Variants in GLE1 observed in about 807,000 individuals in gnomAD.
The protein encoded by GLE1 is GLE1 RNA export mediator.
In GLE1, 78 loss-of-function variants were observed where a neutral mutation model predicts 97.3. The observed-to-expected ratio is 0.80, with a 90% CI of 0.67 to 0.97. The LOEUF is 0.97. GLE1 is among the 50% of genes least tolerant of loss of function. The pLI is 0.00. For synonymous variants in GLE1, 302 were observed against 313.4 expected (o/e 0.96, Z 0.39); for missense variants, 753 against 857.5 (o/e 0.88, Z 1.52).
chr9:128,521,449 C>T (rs1847149711), intron 3 of GLE1, among the ~76,000 whole-genome samples: 1 of 152,062 alleles, frequency 6.6e-6, no homozygotes, highest in Non-Finnish European at 1.5e-5. Flanking sequence ...TGGGATGATC[C>T]CTTGAGCTCA....
At chr9:128,522,847 T>C in intron 4 of GLE1, 31 bp downstream of exon 4, 1 of 1,611,800 alleles carries the variant, frequency 6.2e-7, no homozygotes. Context: ...ACTGGGAATG[T>C]TGATGTGTTC....
chr9:128,505,042 C>T (rs1846601405), intron 1 of GLE1, 138 bp downstream of exon 1: 2 of 682,760 alleles, frequency 2.9e-6, no homozygotes, highest in Non-Finnish European at 2.7e-6. Context: ...TCTGTGTGTA[C>T]ATCCCTCTGT....
At chr9:128,509,713 C>T (rs1417224442) in intron 2 of GLE1, among the ~76,000 whole-genome samples, 1 of 151,448 alleles carries the variant, frequency 6.6e-6, no homozygotes, top group African/African-American at 2.4e-5. Flanking sequence ...AATTCCAGTG[C>T]TTTGGAAGGC....
In GLE1 at chr9:128,533,751, A is replaced by G. The variant is rs368321989; in HGVS notation, c.1456-10A>G. On this transcript the variant is annotated splice_polypyrimidine_tract_variant and intron_variant, in intron 10 of 15. Coordinates refer to ENST00000309971, the MANE Select transcript of GLE1 (RefSeq NM_001003722.2). Reference sequence around the variant, plus strand: ...TTAAGTTAAAATTGTACCCACCTCTATGTTCTCAGAAACAAGGCGAGGAGG... The same window carrying G: ...TTAAGTTAAAATTGTACCCACCTCTGTGTTCTCAGAAACAAGGCGAGGAGG... The G allele has an allele frequency of 5.6e-6, 9 of 1,613,830 alleles. No homozygotes were observed. The highest frequency in any genetic ancestry group is 2.7e-5 in the African/African-American group (2 of 74,938).
In GLE1 at chr9:128,527,512, C is replaced by A. The variant is rs756930292; in HGVS notation, c.1299C>A (p.Ile433=). The A allele has an allele frequency of 6.2e-7, 1 of 1,608,694 alleles. No homozygotes were observed. Among genetic ancestry groups the A allele is most frequent in the Non-Finnish European group, 8.5e-7 (1 of 1,175,082 alleles). Residue 433 remains isoleucine, a synonymous_variant, in exon 9 of 16, where the codon ATC becomes ATA. Transcript: ENST00000309971. ...CTGCTACCATCCCAGTGAGCCAAAT[C>A]TCTACCATTGCAGGTTGGTCAGAGG... ...QKAATIPVSQ[I]STIAGSKLKE... is the part of the protein sequence containing the mutation.
chr9:128,518,396 A>G (rs1427266252), intron 3 of GLE1, among the ~76,000 whole-genome samples: 1 of 151,870 alleles, frequency 6.6e-6, no homozygotes. Context: ...CCCTGTCTCT[A>G]CTAAAAATAC....
chr9:128,521,009 A>G (rs1189415087), intron 3 of GLE1, among the ~76,000 whole-genome samples: 1 of 152,046 alleles, frequency 6.6e-6, no homozygotes, highest in African/African-American at 2.4e-5. Flanking sequence ...TGATCCTCCC[A>G]CTTTGGCCTC....
At chr9:128,506,903 A>G (rs375279081) in intron 1 of GLE1, among the ~76,000 whole-genome samples, 1 of 152,146 alleles carries the variant, frequency 6.6e-6, no homozygotes, top group Non-Finnish European at 1.5e-5. Flanking sequence ...GTTATTCTCA[A>G]TATGTTTACT....
At chr9:128,540,523 A>G (rs962183869) in intron 15 of GLE1, 185 bp downstream of exon 15, 18 of 636,748 alleles carry the variant, frequency 2.8e-5, no homozygotes, top group Non-Finnish European at 4.6e-5. Context: ...TCTTCTTTAT[A>G]TGTATCATTC....
chr9:128,504,708 G>A, upstream of GLE1: 3 of 857,196 alleles, frequency 3.5e-6, no homozygotes, highest in African/African-American at 1.6e-5. Context: ...CTGCGCGCGC[G>A]TCCCGGAAGC....
intron 2 of GLE1, among the ~76,000 whole-genome samples, chr9:128,509,916 G>A (rs1846755716): frequency 6.6e-6 from 1 of 152,112 alleles, no homozygotes; most frequent in South Asian, 2.1e-4. Flanking sequence ...CTGTGATCAA[G>A]CCATTACATT....
intron 2 of GLE1, among the ~76,000 whole-genome samples, chr9:128,511,224 G>A (rs1846810333): frequency 6.7e-6 from 1 of 149,690 alleles, no homozygotes; most frequent in Non-Finnish European, 1.5e-5. Flanking sequence ...TATATATAGA[G>A]ACTGAGTAAA....
At chr9:128,526,462 T>C (rs2132469535) in intron 7 of GLE1, among the ~76,000 whole-genome samples, 1 of 152,204 alleles carries the variant, frequency 6.6e-6, no homozygotes, top group African/African-American at 2.4e-5. Context: ...GTTCAAGCGA[T>C]TCTCCTGCCT....
intron 14 of GLE1, among the ~76,000 whole-genome samples, 188 bp from the exon 15 acceptor site, chr9:128,540,087 G>A (rs914488129): frequency 2.6e-5 from 4 of 152,082 alleles, no homozygotes; most frequent in African/African-American, 9.7e-5. Flanking sequence ...ATGATGGCAT[G>A]CATCTATAGT....
In GLE1 at chr9:128,541,311, G is replaced by A; in HGVS notation, c.*141G>A. ...TTATGTATTTATGCCTTGTGACTAG[G>A]AGAGGAGATTTTCATGGGTCACAAA... On this transcript the variant is annotated 3_prime_UTR_variant, in exon 16 of 16. Coordinates refer to ENST00000309971, the MANE Select transcript of GLE1 (RefSeq NM_001003722.2). 1.5e-6 allele frequency: 1 copy of A among 673,758 alleles called. No individual in the cohort carries two copies. The highest frequency in any genetic ancestry group is 2.7e-6 in the Non-Finnish European group (1 of 372,420). 41.7% of individuals were successfully genotyped at this position (673,758 alleles called of 1,614,324 possible).
At chr9:128,525,544 A>T in intron 7 of GLE1, 121 bp downstream of exon 7, 1 of 743,372 alleles carries the variant, frequency 1.3e-6, no homozygotes, top group East Asian at 2.7e-5. Flanking sequence ...TATGTAATGT[A>T]TTTCATTCAG....
intron 2 of GLE1, among the ~76,000 whole-genome samples, chr9:128,510,181 C>T (rs1189985019): frequency 6.6e-6 from 1 of 151,980 alleles, no homozygotes; most frequent in Non-Finnish European, 1.5e-5. Flanking sequence ...TCTCAGCCTC[C>T]CGAATAGCTG....
Position 128,541,312 on chromosome 9 carries a change from AGAG to A in GLE1, c.*146_*148del, listed in dbSNP as rs1425487520. 1.3e-5 allele frequency: 9 copies of A among 671,874 alleles called. No individual in the cohort carries two copies. Among genetic ancestry groups the A allele is most frequent in the South Asian group, 8.1e-5 (5 of 61,640 alleles). The allele number at this position is 671,874 out of a possible 1,614,324, so 41.6% of individuals were successfully genotyped here. A position where few individuals can be genotyped will look rare whatever the true frequency, so the allele number is the denominator to read the frequency against. On this transcript the variant is annotated 3_prime_UTR_variant, in exon 16 of 16. Transcript: ENST00000309971. ...TATGTATTTATGCCTTGTGACTAGG[AGAG>A]GAGATTTTCATGGGTCACAAAATTC...
rs144164277 is a variant in GLE1, at chr9:128,522,810, A to G, written c.575A>G (p.Glu192Gly). The change falls in exon 4 of 16, where the codon GAG (glutamate) becomes GGG (glycine). Residue 192 changes from glutamate to glycine, a missense_variant. Physicochemically the swap from Glu to Gly is moderately conservative, Grantham distance 98 (BLOSUM62 -2). Transcript: ENST00000309971. ...KEFQDLREVMEKSSREALGHQ... is the reference protein window; with the variant it reads ...KEFQDLREVMGKSSREALGHQ... ...TTCCAGGACTTGCGGGAAGTAATGG[A>G]GAAGAGGTGAGTCTCCCTGAATTAT... The G allele has an allele frequency of 1.1e-4, 172 of 1,613,866 alleles. No homozygotes were observed. Among genetic ancestry groups the G allele is most frequent in the Middle Eastern group, 3.3e-4 (2 of 6,084 alleles).
Sources: gnomAD v4.1 joint callset for allele counts (sites outside exome capture counted in the v4.1 genomes callset) on GRCh38, gnomAD v4.1.1 for gene constraint, MANE v1.5 for transcripts, NCBI Gene and HGNC (gene_info 2026-07-23, HGNC 2026-07-21) for gene names.